Variants in LGSN observed in about 807,000 individuals in gnomAD.
LGSN encodes lengsin.
Under a neutral mutation model 19.5 loss-of-function variants are expected in LGSN, and 21 were observed. The ratio of observed to expected loss-of-function variants is 1.07; its 90% CI spans 0.76 to 1.55. The LOEUF is 1.55. Ranked by LOEUF, LGSN falls within the 40% of genes most tolerant of loss-of-function variation. The pLI, the probability that LGSN is intolerant of heterozygous loss-of-function variation, is 0.00. For missense variants in LGSN, 673 were observed against 608.5 expected (o/e 1.11, Z -1.12); for synonymous variants, 257 against 215.6 (o/e 1.19, Z -1.68).
chr6:63,572,433 T>C, the LGSN span: 6 of 365,452 alleles, frequency 1.6e-5, no homozygotes, highest in East Asian at 2.0e-4. Context: ...GGCTGGAGGG[T>C]TGCACGTCGC....
At chr6:63,303,519 A>G (rs1234260887) in intron 1 of LGSN, among the ~76,000 whole-genome samples, 1 of 152,252 alleles carries the variant, frequency 6.6e-6, no homozygotes, top group Admixed American at 6.5e-5. Flanking sequence ...ACTGATAACA[A>G]TCAGTTCCTC....
the LGSN span, among the ~76,000 whole-genome samples, chr6:63,367,524 A>T: frequency 2.8e-4 from 42 of 151,970 alleles, no homozygotes; most frequent in East Asian, 7.0e-3. Flanking sequence ...ATTGTGGAAG[A>T]CAGTGTGGCA....
chr6:63,296,978 T>A (rs1767998256), intron 1 of LGSN, among the ~76,000 whole-genome samples: 1 of 150,604 alleles, frequency 6.6e-6, no homozygotes, highest in African/African-American at 2.4e-5. Flanking sequence ...ATAAACCCGA[T>A]CAAAAGAGAA....
chr6:63,468,248 C>A, the LGSN span, among the ~76,000 whole-genome samples: 1 of 152,080 alleles, frequency 6.6e-6, no homozygotes, highest in Non-Finnish European at 1.5e-5. Context: ...CCTGCCTCAG[C>A]CTCCTGAGTA....
At chr6:63,345,522 T>C in the LGSN span, among the ~76,000 whole-genome samples, 1 of 152,192 alleles carries the variant, frequency 6.6e-6, no homozygotes, top group Non-Finnish European at 1.5e-5. Context: ...TCACTAGAAG[T>C]GTCAGAGATC....
intron 2 of LGSN, among the ~76,000 whole-genome samples, chr6:63,292,458 G>A (rs1457163309): frequency 7.2e-5 from 11 of 152,154 alleles, no homozygotes; most frequent in Admixed American, 6.5e-4. Context: ...TGACAAGAGT[G>A]TCTTTGTTTA....
At chr6:63,498,572 G>A in the LGSN span, among the ~76,000 whole-genome samples, 1 of 152,242 alleles carries the variant, frequency 6.6e-6, no homozygotes, top group South Asian at 2.1e-4. Flanking sequence ...GTAGTAGGCA[G>A]TCAAGGTTTG....
At chr6:63,556,679 T>C in the LGSN span, among the ~76,000 whole-genome samples, 2 of 152,240 alleles carry the variant, frequency 1.3e-5, no homozygotes, top group Admixed American at 6.5e-5. Context: ...GGTGAATCTG[T>C]ACTACATCAA....
chr6:63,471,627 C>G, the LGSN span, among the ~76,000 whole-genome samples: 2 of 149,996 alleles, frequency 1.3e-5, no homozygotes, highest in African/African-American at 4.9e-5. Context: ...ATCACCGCCA[C>G]TGCACTCCAG....
At chr6:63,547,244 C>T in the LGSN span, among the ~76,000 whole-genome samples, 11 of 142,900 alleles carry the variant, frequency 7.7e-5, no homozygotes, top group Non-Finnish European at 1.3e-4. Flanking sequence ...GACTGGAGTG[C>T]AATGGTATGA....
the LGSN span, among the ~76,000 whole-genome samples, chr6:63,499,151 A>T: frequency 6.6e-6 from 1 of 152,094 alleles, no homozygotes; most frequent in East Asian, 1.9e-4. Flanking sequence ...TTGGTTAGTG[A>T]CCTGTTTAAG....
At chr6:63,406,012 C>T in the LGSN span, among the ~76,000 whole-genome samples, 2 of 152,142 alleles carry the variant, frequency 1.3e-5, no homozygotes, top group African/African-American at 4.8e-5. Flanking sequence ...CACAGGAGCA[C>T]CCAGATTCAT....
chr6:63,493,282 C>T, the LGSN span, among the ~76,000 whole-genome samples: 2 of 152,144 alleles, frequency 1.3e-5, no homozygotes, highest in Non-Finnish European at 2.9e-5. Context: ...AAAGGAAATG[C>T]AAATGTGTTA....
chr6:63,565,415 G>A, the LGSN span, among the ~76,000 whole-genome samples: 1 of 151,904 alleles, frequency 6.6e-6, no homozygotes, highest in Non-Finnish European at 1.5e-5. Context: ...AATAGAGATC[G>A]ATTCAAGAGA....
intron 2 of LGSN, among the ~76,000 whole-genome samples, chr6:63,288,273 T>TAAA (rs1441604244): frequency 1.9e-4 from 25 of 134,262 alleles, no homozygotes; most frequent in Non-Finnish European, 3.7e-4. Flanking sequence ...AAATAAATAA[T>TAAA]AATAATATTC....
the LGSN span, among the ~76,000 whole-genome samples, chr6:63,470,404 G>A: frequency 2.0e-5 from 3 of 151,870 alleles, no homozygotes; most frequent in African/African-American, 7.3e-5. Flanking sequence ...AACCCAGGCG[G>A]CGGAGGTTGC....
chr6:63,419,108 G>A, the LGSN span, among the ~76,000 whole-genome samples: 1,842 of 151,856 alleles, frequency 0.012, 31 homozygotes, highest in African/African-American at 0.042. Flanking sequence ...ATAAATCTGG[G>A]ATACATGAGA....
the LGSN span, among the ~76,000 whole-genome samples, chr6:63,418,719 G>T: frequency 1.3e-5 from 2 of 151,996 alleles, no homozygotes; most frequent in African/African-American, 4.8e-5. Context: ...TAGAGCTGAA[G>T]AAGTCAGTAA....
the LGSN span, among the ~76,000 whole-genome samples, chr6:63,336,020 C>A: frequency 6.6e-6 from 1 of 151,370 alleles, no homozygotes; most frequent in Non-Finnish European, 1.5e-5. Flanking sequence ...TATGTGGGAG[C>A]TAAAGAAGTT....
Sources: allele counts gnomAD v4.1 joint callset (sites outside exome capture counted in the v4.1 genomes callset), GRCh38; gene constraint gnomAD v4.1.1; transcripts MANE v1.5; gene names NCBI Gene and HGNC (gene_info 2026-07-23, HGNC 2026-07-21).